Variants in EVL observed in about 807,000 individuals in gnomAD.
EVL encodes the protein ena/VASP-like protein.
Under a neutral mutation model 59.6 loss-of-function variants are expected in EVL, and 21 were observed. The ratio of observed to expected loss-of-function variants is 0.35; its 90% CI spans 0.25 to 0.51. The LOEUF (loss-of-function observed/expected upper bound fraction) is 0.51, where lower values mean the gene tolerates loss of function less well. Among genes scored for constraint, EVL ranks in the 20% least tolerant of loss-of-function variants. The pLI is 0.97. For synonymous variants in EVL, 198 were observed against 203.5 expected (o/e 0.97, Z 0.23); for missense variants, 462 against 546.6 (o/e 0.85, Z 1.54).
intron 3 of EVL, among the ~76,000 whole-genome samples, chr14:100,117,779 A>G (rs1449877815): frequency 1.3e-5 from 2 of 152,140 alleles, no homozygotes; most frequent in East Asian, 1.9e-4. Flanking sequence ...CTGGTGGCCT[A>G]TGGTGTGTCA....
At chr14:100,086,084 G>A (rs1385754687) in intron 2 of EVL, among the ~76,000 whole-genome samples, 1 of 152,172 alleles carries the variant, frequency 6.6e-6, no homozygotes, top group Non-Finnish European at 1.5e-5. Context: ...AGCCGAGATC[G>A]CACCACGGCA....
chr14:100,124,924 C>A (rs1887933100), intron 4 of EVL, among the ~76,000 whole-genome samples: 1 of 151,746 alleles, frequency 6.6e-6, no homozygotes, highest in African/African-American at 2.4e-5. Flanking sequence ...CAAGGCAGGA[C>A]CACACACATA....
Position 100,097,606 on chromosome 14 carries a change from G to T in EVL, c.306G>T (p.Thr102=), listed in dbSNP as rs3206354. ...TTGCAAGTAAAGAAGAGGCAACCAC[G>T]TTCTCCAATGCAATGCTGTTTGCCC... The part of the protein sequence containing the change: ...LNFASKEEAT[T]FSNAMLFALN... The change falls in exon 3 of 14, where the codon ACG becomes ACT. Residue 102 remains threonine, a synonymous_variant. Coordinates refer to ENST00000392920, the MANE Select transcript of EVL (RefSeq NM_016337.3). The T allele has an allele frequency of 3.1e-6, 5 of 1,613,908 alleles. No homozygotes were observed. The highest frequency in any genetic ancestry group is 1.1e-5 in the South Asian group (1 of 91,074).
intron 8 of EVL, chr14:100,134,536 A>G (rs61269416): frequency 1.1e-4 from 16 of 151,988 alleles, no homozygotes; most frequent in African/African-American, 3.4e-4. Flanking sequence ...GCGTCTAAAG[A>G]GAGCAGGGCC....
intron 1 of EVL, among the ~76,000 whole-genome samples, chr14:100,047,114 C>CTTTTTTTTGTTTTTTTTTTTTTT (rs1379774654): frequency 1.1e-5 from 1 of 95,100 alleles, no homozygotes; most frequent in South Asian, 4.6e-4. Context: ...GCAGATCTCT[C>CTTTTTTTTGTTTTTTTTTTTTTT]TCTCTTTTTT....
At chr14:100,129,431 C>T in intron 6 of EVL, 132 bp from the exon 7 acceptor site, 1 of 1,290,920 alleles carries the variant, frequency 7.7e-7, no homozygotes, top group Non-Finnish European at 1.1e-6. Context: ...GACCAGATGG[C>T]CCCTGAGGCC....
At chr14:100,120,810 T>A (rs1336958562) in intron 3 of EVL, among the ~76,000 whole-genome samples, 2 of 152,104 alleles carry the variant, frequency 1.3e-5, no homozygotes, top group African/African-American at 2.4e-5. Flanking sequence ...CAGACATCAC[T>A]TAGGCCACAC....
intron 1 of EVL, among the ~76,000 whole-genome samples, chr14:99,986,475 C>G (rs1004717968): frequency 2.0e-5 from 3 of 152,090 alleles, no homozygotes; most frequent in Non-Finnish European, 4.4e-5. Flanking sequence ...CAGACTGAAT[C>G]AGATAGTGTC....
chr14:100,015,446 T>C (rs779207197), intron 1 of EVL, among the ~76,000 whole-genome samples: 3 of 152,210 alleles, frequency 2.0e-5, no homozygotes, highest in Non-Finnish European at 4.4e-5. Context: ...AGCTCACATG[T>C]CCAGTAACTG....
chr14:100,045,450 C>T (rs946798418), intron 1 of EVL, among the ~76,000 whole-genome samples: 2 of 152,178 alleles, frequency 1.3e-5, no homozygotes, highest in Non-Finnish European at 2.9e-5. Context: ...GAGCAGGTCA[C>T]GTAATAGGCG....
At chr14:100,013,660 G>A (rs1234280834) in intron 1 of EVL, among the ~76,000 whole-genome samples, 1 of 152,210 alleles carries the variant, frequency 6.6e-6, no homozygotes, top group Non-Finnish European at 1.5e-5. Context: ...CATGTTCATA[G>A]CTGATTTCCA....
chr14:100,096,751 G>T (rs994630591), intron 2 of EVL, among the ~76,000 whole-genome samples: 1 of 152,202 alleles, frequency 6.6e-6, no homozygotes, highest in Non-Finnish European at 1.5e-5. Context: ...AGGCAGACCT[G>T]GTGTTGAATC....
At chr14:99,993,685 C>CTTTTTTTTTTTTTTTTTTTTTTTT (rs532512303) in intron 1 of EVL, among the ~76,000 whole-genome samples, 2 of 78,262 alleles carry the variant, frequency 2.6e-5, no homozygotes, top group Non-Finnish European at 2.3e-5. Flanking sequence ...TTCTTTCTTT[C>CTTTTTTTTTTTTTTTTTTTTTTTT]TTTTTTTTTT....
intron 1 of EVL, among the ~76,000 whole-genome samples, chr14:99,989,263 T>G (rs755170932): frequency 3.9e-5 from 6 of 152,122 alleles, no homozygotes; most frequent in Non-Finnish European, 7.4e-5. Context: ...CAGGTGTCTT[T>G]TATCATTTCT....
At chr14:100,062,239 ACTGT>A (rs1306011530), upstream of EVL, among the ~76,000 whole-genome samples, 3 of 146,718 alleles carry the variant, frequency 2.0e-5, no homozygotes, top group Non-Finnish European at 4.5e-5. Flanking sequence ...TATATATATG[ACTGT>A]CCAAAACAAA....
chr14:99,981,176 C>A (rs1486114948), intron 1 of EVL, among the ~76,000 whole-genome samples: 1 of 151,950 alleles, frequency 6.6e-6, no homozygotes, highest in Non-Finnish European at 1.5e-5. Flanking sequence ...CACCTGTAAT[C>A]CCAGCACTTT....
At chr14:100,040,770 A>T (rs1354479116) in intron 1 of EVL, among the ~76,000 whole-genome samples, 1 of 152,178 alleles carries the variant, frequency 6.6e-6, no homozygotes, top group Non-Finnish European at 1.5e-5. Flanking sequence ...TTCATAAATC[A>T]CTTAGCTGTT....
chr14:100,009,585 A>G (rs1327077785), intron 1 of EVL, among the ~76,000 whole-genome samples: 1 of 152,222 alleles, frequency 6.6e-6, no homozygotes, highest in Non-Finnish European at 1.5e-5. Flanking sequence ...TGGAAAATAC[A>G]AATGTGAAGA....
intron 2 of EVL, among the ~76,000 whole-genome samples, chr14:100,092,949 G>T (rs2062596124): frequency 6.6e-6 from 1 of 152,190 alleles, no homozygotes; most frequent in Non-Finnish European, 1.5e-5. Flanking sequence ...GTGAGTGTTG[G>T]GTGATGGGTA....
Sources: gnomAD v4.1 joint callset for allele counts (sites outside exome capture counted in the v4.1 genomes callset) on GRCh38, gnomAD v4.1.1 for gene constraint, MANE v1.5 for transcripts, NCBI Gene and HGNC (gene_info 2026-07-23, HGNC 2026-07-21) for gene names.